The following EDIL3 variants were observed in gnomAD, a reference collection of about 807,000 sequenced individuals.
EDIL3 encodes the protein EGF-like repeat and discoidin I-like domain-containing protein 3.
EDIL3 carries 37 observed loss-of-function variants against 67.4 expected under a neutral mutation model. The observed-to-expected ratio is 0.55, with a 90% CI of 0.42 to 0.72. The LOEUF (loss-of-function observed/expected upper bound fraction) is 0.72. Ranked by LOEUF, EDIL3 falls within the 30% of genes least tolerant of loss-of-function variation. The probability of loss-of-function intolerance (pLI) is 0.00; values close to 1 mark genes in which losing one functional copy is unlikely to be tolerated. For synonymous variants in EDIL3, 195 were observed against 196.3 expected (o/e 0.99, Z 0.05); for missense variants, 527 against 586.3 (o/e 0.90, Z 1.04).
chr5:83,990,639 G>A (rs1222272890), intron 9 of EDIL3, among the ~76,000 whole-genome samples: 4 of 152,052 alleles, frequency 2.6e-5, no homozygotes, highest in African/African-American at 4.8e-5. Context: ...CCAGCATTTT[G>A]GGAGGCTGAG....
chr5:84,225,105 C>T (rs1744422577), intron 3 of EDIL3, among the ~76,000 whole-genome samples: 1 of 151,532 alleles, frequency 6.6e-6, no homozygotes, highest in Non-Finnish European at 1.5e-5. Context: ...CAGGTGTTAA[C>T]TGAATCTACC....
At chr5:84,255,064 T>C (rs1215828142) in intron 1 of EDIL3, among the ~76,000 whole-genome samples, 2 of 152,174 alleles carry the variant, frequency 1.3e-5, no homozygotes, top group African/African-American at 2.4e-5. Flanking sequence ...AAAGCATCAG[T>C]TGGCTCTTAC....
At chr5:84,157,919 T>G (rs1725999159) in intron 4 of EDIL3, among the ~76,000 whole-genome samples, 1 of 152,102 alleles carries the variant, frequency 6.6e-6, no homozygotes, top group African/African-American at 2.4e-5. Flanking sequence ...ACTGCCTATT[T>G]GGGTGCCAAT....
chr5:84,287,102 C>T (rs1245481937), intron 1 of EDIL3, among the ~76,000 whole-genome samples: 4 of 152,120 alleles, frequency 2.6e-5, no homozygotes, highest in African/African-American at 9.7e-5. Context: ...TGCAGAGACT[C>T]TGGGTTGGTG....
chr5:84,030,573 T>C (rs1408653189), intron 9 of EDIL3, among the ~76,000 whole-genome samples: 1 of 152,216 alleles, frequency 6.6e-6, no homozygotes, highest in Non-Finnish European at 1.5e-5. Context: ...TGTCATAATA[T>C]AGAAGAATTT....
intron 9 of EDIL3, among the ~76,000 whole-genome samples, chr5:84,043,182 T>G (rs1292806116): frequency 6.6e-6 from 1 of 152,206 alleles, no homozygotes; most frequent in Non-Finnish European, 1.5e-5. Flanking sequence ...GTTGTAAACT[T>G]CTTTGAGGAA....
In EDIL3 at chr5:84,066,497, C is replaced by T. The variant is rs1746643844; in HGVS notation, c.761G>A (p.Gly254Glu). ...KSYKIAYSND[G>E]KTWAMYKVKG... ...CACTTTGTACATTGCCCAAGTCTTTCCATCATTACTGTAGGCAATTTTGTA... is the reference window on the plus strand; with the variant it reads ...CACTTTGTACATTGCCCAAGTCTTTTCATCATTACTGTAGGCAATTTTGTA... The change falls in exon 7 of 11, where the codon GGA becomes GAA. Residue 254 changes from glycine to glutamate, a missense_variant. By Grantham distance (98) the Gly-to-Glu change is moderately conservative. Transcript: ENST00000296591. The T allele has an allele frequency of 5.6e-6, 9 of 1,612,876 alleles. No individual in the cohort carries two copies. The highest frequency in any genetic ancestry group is 7.6e-6 in the Non-Finnish European group (9 of 1,179,656).
At chr5:84,039,817 A>G (rs1421955642) in intron 9 of EDIL3, among the ~76,000 whole-genome samples, 1 of 152,022 alleles carries the variant, frequency 6.6e-6, no homozygotes, top group Admixed American at 6.6e-5. Context: ...AAAGTATAAT[A>G]ATAATAAAAT....
At chr5:83,995,435 G>A (rs1323487177) in intron 9 of EDIL3, among the ~76,000 whole-genome samples, 1 of 152,142 alleles carries the variant, frequency 6.6e-6, no homozygotes, top group Non-Finnish European at 1.5e-5. Flanking sequence ...TTGAAGAAGT[G>A]ATCTCTGTAT....
intron 9 of EDIL3, among the ~76,000 whole-genome samples, chr5:84,029,673 G>T (rs67344025): frequency 2.6e-5 from 4 of 152,056 alleles, no homozygotes; most frequent in African/African-American, 9.6e-5. Flanking sequence ...AAGATTAAGC[G>T]GATAATACTG....
At chr5:84,061,195 A>G (rs943694479) in intron 8 of EDIL3, among the ~76,000 whole-genome samples, 2 of 152,148 alleles carry the variant, frequency 1.3e-5, no homozygotes, top group African/African-American at 4.8e-5. Context: ...ACATTATTTT[A>G]TTTCAATCAT....
Position 84,098,703 on chromosome 5 carries a change from G to T in EDIL3, c.651+7946C>A, listed in dbSNP as rs541579360. Among the ~76,000 whole-genome samples, 68 of 152,206 alleles carry T rather than the reference G, an allele frequency of 4.5e-4. 2 individuals are homozygous for T. In the South Asian group the frequency reaches 0.012, roughly 27 times the overall value. On this transcript the variant is annotated intron_variant, in intron 6 of 10. Transcript: ENST00000296591. ...TAAGGCAGAAATCAAGAAGTTATTT[G>T]AAACTAATGAGAACAAAACTACAAC...
rs1454779624 is a variant in EDIL3 at position 84,137,311 on chromosome 5, T to C, written c.399A>G (p.Ile133Met). ...CEVEPCKNGG[I>M]CTDLVANYSC... ...AATAGTTAGCAACAAGATCTGTACA[T>C]ATTCCACCATTTTTGCAAGGCTCAA... Residue 133 changes from isoleucine to methionine, a missense_variant, in exon 5 of 11, where the codon ATA becomes ATG. Ile to Met is a conservative substitution (Grantham distance 10, BLOSUM62 1). Transcript: ENST00000296591. 6.2e-7 allele frequency: 1 copy of C among 1,613,616 alleles called. No homozygotes were observed. Among genetic ancestry groups the C allele is most frequent in the Non-Finnish European group, 8.5e-7 (1 of 1,179,880 alleles).
intron 5 of EDIL3, among the ~76,000 whole-genome samples, chr5:84,109,827 G>A (rs1385535183): frequency 1.3e-5 from 2 of 152,164 alleles, no homozygotes; most frequent in African/African-American, 4.8e-5. Flanking sequence ...GTGTGAGTCT[G>A]TGAGTTGTCA....
At chr5:83,998,028 A>G (rs1269179169) in intron 9 of EDIL3, among the ~76,000 whole-genome samples, 1 of 152,108 alleles carries the variant, frequency 6.6e-6, no homozygotes. Flanking sequence ...GTACTCTGGG[A>G]TCCTAAAAAA....
Position 84,180,485 on chromosome 5 carries a change from G to C in EDIL3, c.263C>G (p.Thr88Ser), listed in dbSNP as rs750291520. Residue 88 changes from threonine to serine, a missense_variant, in exon 4 of 11, where the codon ACC becomes AGC. By Grantham distance (58) the Thr-to-Ser change is moderately conservative. This residue lies in a region of EDIL3 where 494 missense variants were observed against 522.5 expected (regional missense o/e 0.95). Coordinates refer to ENST00000296591, the MANE Select transcript of EDIL3 (RefSeq NM_005711.5). ...CTPNPCHNGGTCEISEAYRGD... is the reference protein window; with the variant it reads ...CTPNPCHNGGSCEISEAYRGD... ...TCGGTATGCTTCACTTATTTCACAG[G>C]TTCCTCCATTATGGCATGGATTAGG... 3 of 1,606,930 alleles carry C rather than the reference G, an allele frequency of 1.9e-6. No homozygotes were observed. The highest frequency in any genetic ancestry group is 3.4e-5 in the Admixed American group (2 of 58,966).
chr5:84,164,754 C>T (rs1157296656), intron 4 of EDIL3, among the ~76,000 whole-genome samples: 1 of 152,036 alleles, frequency 6.6e-6, no homozygotes, highest in East Asian at 1.9e-4. Context: ...ATAGATGACT[C>T]AGGCAGAAAT....
intron 5 of EDIL3, among the ~76,000 whole-genome samples, chr5:84,131,846 T>C (rs1304052484): frequency 6.6e-6 from 1 of 152,136 alleles, no homozygotes; most frequent in African/African-American, 2.4e-5. Flanking sequence ...ACAAATCTCA[T>C]CATGTATTTA....
intron 9 of EDIL3, among the ~76,000 whole-genome samples, chr5:83,995,348 T>C (rs72774746): frequency 0.029 from 4,491 of 152,240 alleles, 87 homozygotes; most frequent in Non-Finnish European, 0.045. Flanking sequence ...GCTGAAGAAC[T>C]AAGCGAAGGC....
Sources: gnomAD v4.1 joint callset for allele counts (sites outside exome capture counted in the v4.1 genomes callset) on GRCh38, gnomAD v4.1.1 for gene constraint, gnomAD v4.1.1 regional missense constraint, MANE v1.5 for transcripts, NCBI Gene and HGNC (gene_info 2026-07-23, HGNC 2026-07-21) for gene names.